The following RPH3AL variants were observed in gnomAD, a reference collection of about 807,000 sequenced individuals.
RPH3AL encodes rab effector Noc2.
RPH3AL carries 38 observed loss-of-function variants against 43.1 expected under a neutral mutation model. The ratio of observed to expected loss-of-function variants is 0.88; its 90% CI spans 0.68 to 1.15. The LOEUF (loss-of-function observed/expected upper bound fraction) is 1.15, where lower values mean the gene tolerates loss of function less well. RPH3AL is among the 50% of genes most tolerant of loss of function. The probability of loss-of-function intolerance (pLI) is 0.00; values close to 1 mark genes in which losing one functional copy is unlikely to be tolerated. For synonymous variants in RPH3AL, 189 were observed against 176.3 expected (o/e 1.07, Z -0.57); for missense variants, 462 against 423.2 (o/e 1.09, Z -0.81).
chr17:249,329 G>A (rs918521120), intron 6 of RPH3AL, among the ~76,000 whole-genome samples: 7 of 152,046 alleles, frequency 4.6e-5, no homozygotes, highest in Admixed American at 6.6e-5. Context: ...ATTTGGACAC[G>A]CTGACCTCCC....
At chr17:349,732 C>T (rs1000906989) in intron 1 of RPH3AL, among the ~76,000 whole-genome samples, 2 of 152,176 alleles carry the variant, frequency 1.3e-5, no homozygotes, top group Non-Finnish European at 2.9e-5. Context: ...AATGCTTCTC[C>T]TCCACCTTAA....
At chr17:317,404 T>G (rs1246411344) in intron 5 of RPH3AL, among the ~76,000 whole-genome samples, 2 of 147,964 alleles carry the variant, frequency 1.4e-5, no homozygotes, top group Non-Finnish European at 3.0e-5. Flanking sequence ...TCCATTGACT[T>G]GTAGTCTCTG....
At chr17:317,495 G>C (rs1348985221) in intron 5 of RPH3AL, among the ~76,000 whole-genome samples, 1 of 145,434 alleles carries the variant, frequency 6.9e-6, no homozygotes, top group Non-Finnish European at 1.5e-5. Flanking sequence ...CACCTCCATT[G>C]ACCTGTAGTC....
At position 322,356 on chromosome 17, in the gene RPH3AL, T is replaced by C. The variant is rs888139319; in HGVS notation, c.78-941A>G. On this transcript the variant is annotated intron_variant, in intron 3 of 9. Transcript: ENST00000331302. The surrounding 1 kb of genome is among the most constrained non-coding windows in gnomAD (Gnocchi z 4.0). ...ATTCCGTGCCTGTGACATTGCTGTG[T>C]GCAGAGATGAACGAGACGGGAAAAG... 1.3e-5 allele frequency: 2 copies of C among 152,266 alleles called. No individual in the cohort carries two copies. The highest frequency in any genetic ancestry group is 2.9e-5 in the Non-Finnish European group (2 of 68,086). 9.4% of individuals were successfully genotyped at this position (152,266 alleles called of 1,614,324 possible). A position where few individuals can be genotyped will look rare whatever the true frequency, so the allele number is the denominator to read the frequency against.
At chr17:266,409 G>A (rs1034123353) in intron 6 of RPH3AL, among the ~76,000 whole-genome samples, 1 of 152,168 alleles carries the variant, frequency 6.6e-6, no homozygotes, top group Non-Finnish European at 1.5e-5. Context: ...AATTCATCCT[G>A]CCTGGAAAGT....
At chr17:229,784 C>T (rs532524229) in intron 7 of RPH3AL, among the ~76,000 whole-genome samples, 23 of 152,270 alleles carry the variant, frequency 1.5e-4, no homozygotes, top group African/African-American at 4.6e-4. Flanking sequence ...GGGGGAAACA[C>T]GCTCTTCCTT....
chr17:316,446 T>A (rs2044195101), intron 5 of RPH3AL, among the ~76,000 whole-genome samples: 1 of 149,440 alleles, frequency 6.7e-6, no homozygotes, highest in Admixed American at 6.6e-5. Flanking sequence ...GTAGTCTCTG[T>A]GCTCCACCTC....
chr17:215,614 G>T lies in RPH3AL; in HGVS notation c.876+40C>A. On this transcript the variant is annotated intron_variant, in intron 9 of 9. Coordinates refer to ENST00000331302, the MANE Select transcript of RPH3AL (RefSeq NM_006987.4). This position sits in a 1 kb window ranked among gnomAD's most constrained non-coding sequence, Gnocchi z 4.1. ...AGTGAGTGAGAGAGGACACGGCCGC[G>T]GGGGCAGGAGAGGGGAGAAGGCAGC... is the stretch of plus-strand genomic sequence containing the variant. 1 of 1,255,516 alleles carries T rather than the reference G, an allele frequency of 8.0e-7. No individual in the cohort carries two copies. The highest frequency in any genetic ancestry group is 1.0e-6 in the Non-Finnish European group (1 of 995,302). 77.8% of individuals were successfully genotyped at this position (1,255,516 alleles called of 1,614,324 possible).
Position 293,585 on chromosome 17 carries a change from A to G in RPH3AL, c.352-11731T>C, listed in dbSNP as rs112145939. Among the ~76,000 whole-genome samples, 427 of 152,290 alleles carry G rather than the reference A, an allele frequency of 2.8e-3. 4 individuals carry two copies. Among genetic ancestry groups the G allele is most frequent in the African/African-American group, 9.7e-3 (401 of 41,540 alleles). Reference sequence around the variant, plus strand: ...GAGAGGTTTCTGCATCTTTTCCGGCAGGACACGGGAAACAGGAGGTTTGAG... The same window carrying G: ...GAGAGGTTTCTGCATCTTTTCCGGCGGGACACGGGAAACAGGAGGTTTGAG... On this transcript the variant is annotated intron_variant, in intron 5 of 9. Coordinates refer to ENST00000331302, the MANE Select transcript of RPH3AL (RefSeq NM_006987.4).
intron 1 of RPH3AL, among the ~76,000 whole-genome samples, chr17:347,381 A>C (rs2045258083): frequency 6.6e-6 from 1 of 152,258 alleles, no homozygotes; most frequent in Admixed American, 6.5e-5. Flanking sequence ...AAAACAGTAC[A>C]GCCAACCTGG....
intron 6 of RPH3AL, among the ~76,000 whole-genome samples, chr17:263,822 C>T (rs977735333): frequency 1.2e-4 from 19 of 152,192 alleles, no homozygotes; most frequent in Non-Finnish European, 2.1e-4. Flanking sequence ...CCGACACTCC[C>T]GTCCCTGAAG....
intron 6 of RPH3AL, among the ~76,000 whole-genome samples, chr17:276,284 A>G (rs1311198282): frequency 6.6e-6 from 1 of 152,224 alleles, no homozygotes; most frequent in Non-Finnish European, 1.5e-5. Context: ...TTAGGGATGA[A>G]AATGGTTCCT....
At chr17:230,174 G>A (rs956797965) in intron 7 of RPH3AL, among the ~76,000 whole-genome samples, 12 of 152,268 alleles carry the variant, frequency 7.9e-5, no homozygotes, top group East Asian at 1.9e-4. Flanking sequence ...GGAGGAGGGC[G>A]TCCTGCACTT....
At chr17:216,267 G>C (rs2040799665) in intron 8 of RPH3AL, among the ~76,000 whole-genome samples, 1 of 152,136 alleles carries the variant, frequency 6.6e-6, no homozygotes, top group African/African-American at 2.4e-5. Flanking sequence ...CAGGGCTCTG[G>C]CCCGACCCCA....
chr17:262,769 T>C (rs2042231142), intron 6 of RPH3AL, among the ~76,000 whole-genome samples: 2 of 152,124 alleles, frequency 1.3e-5, no homozygotes, highest in African/African-American at 4.8e-5. Context: ...CAAGCCAATA[T>C]TCCCCCTGCC....
chr17:218,297 G>A (rs370639647), intron 8 of RPH3AL, among the ~76,000 whole-genome samples: 1,501 of 105,074 alleles, frequency 0.014, 1 homozygote, highest in Non-Finnish European at 0.022. Context: ...AATTGGCCTC[G>A]CTGAAATCAG....
At chr17:343,151 C>T (rs536675333) in intron 1 of RPH3AL, among the ~76,000 whole-genome samples, 2 of 152,306 alleles carry the variant, frequency 1.3e-5, no homozygotes, top group South Asian at 4.1e-4. Flanking sequence ...CAAAAAAACA[C>T]ATCCATGCCT....
At chr17:320,814 G>A (rs932660753) in intron 4 of RPH3AL, among the ~76,000 whole-genome samples, 30 of 152,372 alleles carry the variant, frequency 2.0e-4, no homozygotes, top group African/African-American at 6.7e-4. Context: ...TGGAAGTGCT[G>A]GAAGACTGAG....
intron 5 of RPH3AL, among the ~76,000 whole-genome samples, chr17:299,570 A>G (rs2043270019): frequency 6.6e-6 from 1 of 152,194 alleles, no homozygotes; most frequent in Non-Finnish European, 1.5e-5. Flanking sequence ...GGCCAAGTCC[A>G]TCCCCAGTTA....
Sources: gnomAD v4.1 joint callset for allele counts (sites outside exome capture counted in the v4.1 genomes callset) on GRCh38, gnomAD v4.1.1 for gene constraint, Gnocchi (gnomAD v3.1) non-coding constraint, MANE v1.5 for transcripts, NCBI Gene and HGNC (gene_info 2026-07-23, HGNC 2026-07-21) for gene names.